Variants in SP110 observed in about 807,000 individuals in gnomAD.
SP110 encodes the protein SP110 nuclear body protein, also known as interferon-induced protein 41, 30kD.
Under a neutral mutation model 92.7 loss-of-function variants are expected in SP110, and 62 were observed. That is an observed-to-expected ratio of 0.67 (90% CI 0.55 to 0.83). The LOEUF is 0.83. Ranked by LOEUF, SP110 falls within the 40% of genes least tolerant of loss-of-function variation. The probability of loss-of-function intolerance (pLI) is 0.00; values close to 1 mark genes in which losing one functional copy is unlikely to be tolerated. For synonymous variants in SP110, 273 were observed against 305.3 expected (o/e 0.89, Z 1.10); for missense variants, 793 against 863.9 (o/e 0.92, Z 1.03).
At chr2:230,175,834 T>G (rs1294570776) in intron 14 of SP110, among the ~76,000 whole-genome samples, 1 of 152,216 alleles carries the variant, frequency 6.6e-6, no homozygotes, top group African/African-American at 2.4e-5. Flanking sequence ...ATAAGAAGCA[T>G]GGAGGATTCA....
chr2:230,201,106 G>A, intron 9 of SP110, 141 bp from the exon 10 acceptor site: 1 of 736,300 alleles, frequency 1.4e-6, no homozygotes, highest in Non-Finnish European at 2.4e-6. Flanking sequence ...CATCTACCAA[G>A]AGATTTGGTG....
chr2:230,221,077 T>C (rs2045775850), upstream of SP110, among the ~76,000 whole-genome samples: 1 of 151,784 alleles, frequency 6.6e-6, no homozygotes, highest in African/African-American at 2.4e-5. Flanking sequence ...GGTCAGGAGT[T>C]TGAGACCATC....
chr2:230,194,435 AC>A (rs2042772371), intron 10 of SP110, among the ~76,000 whole-genome samples: 1 of 152,010 alleles, frequency 6.6e-6, no homozygotes, highest in East Asian at 1.9e-4. Context: ...CCTGGTCTAT[AC>A]AAAAAATTTA....
At chr2:230,219,768 A>G (rs558946624) in intron 1 of SP110, 106 bp downstream of exon 1, 2 of 229,772 alleles carry the variant, frequency 8.7e-6, no homozygotes, top group African/African-American at 2.3e-5. Flanking sequence ...AGAGAGCCTC[A>G]GAGTTTAAAT....
At position 230,177,661 on chromosome 2, in the gene SP110, A is replaced by G; in HGVS notation, c.1467T>C (p.Ile489=). The G allele has an allele frequency of 6.2e-7, 1 of 1,614,118 alleles. No individual in the cohort carries two copies. Among genetic ancestry groups the G allele is most frequent in the Non-Finnish European group, 8.5e-7 (1 of 1,180,010 alleles). ...KMKHGSSVKC[I]RNEDGTWLTP... ...TTAACCAAGTTCCATCCTCATTCCG[A>G]ATGCACTTCACTGAGGATCCTGTAA... Residue 489 remains isoleucine (I), a synonymous_variant, in exon 14 of 19, where the codon ATT becomes ATC. Transcript: ENST00000258381.
intron 10 of SP110, among the ~76,000 whole-genome samples, chr2:230,199,205 C>CTTTT (rs35807015): frequency 6.5e-4 from 58 of 89,442 alleles, no homozygotes; most frequent in East Asian, 1.1e-3. Context: ...ACATAATCCT[C>CTTTT]TTTTTTTTTT....
chr2:230,177,676 G>C lies in SP110; in HGVS notation c.1452C>G (p.Ser484=), dbSNP rs763583801. 6 of 1,614,090 alleles carry C rather than the reference G, an allele frequency of 3.7e-6. No individual in the cohort carries two copies. Among genetic ancestry groups the C allele is most frequent in the Non-Finnish European group, 2.5e-6 (3 of 1,179,998 alleles). The change falls in exon 14 of 19, where the codon TCC becomes TCG. Residue 484 remains serine (S), a synonymous_variant. Coordinates refer to ENST00000258381, the MANE Select transcript of SP110 (RefSeq NM_080424.4). The stretch of plus-strand genomic sequence containing the variant: ...CCTCATTCCGAATGCACTTCACTGA[G>C]GATCCTGTAAGAAAAAGCCCATTCT... ...ILYKKKMKHG[S]SVKCIRNEDG... is the part of the protein sequence containing the mutation.
chr2:230,167,058 C>T lies in SP110; in HGVS notation c.*2066G>A, dbSNP rs1164179574. 6.6e-6 allele frequency: 1 copy of T among 151,966 alleles called. No individual in the cohort carries two copies. Among genetic ancestry groups the T allele is most frequent in the African/African-American group, 2.4e-5 (1 of 41,360 alleles). 9.4% of individuals were successfully genotyped at this position (151,966 alleles called of 1,614,324 possible). A position where few individuals can be genotyped will look rare whatever the true frequency, so the allele number is the denominator to read the frequency against. On this transcript the variant is annotated 3_prime_UTR_variant, in exon 19 of 19. Transcript: ENST00000258381. The stretch of plus-strand genomic sequence containing the variant: ...AAGAGGAGGTGCACCCAAGGAGCTG[C>T]ACCCAATAAACCATACCTGAGGAGC...
chr2:230,174,414 G>T (rs1440688910), intron 14 of SP110, among the ~76,000 whole-genome samples: 1 of 152,156 alleles, frequency 6.6e-6, no homozygotes, highest in African/African-American at 2.4e-5. Context: ...AAAGGTTCTA[G>T]AATCTGTCAA....
intron 8 of SP110, among the ~76,000 whole-genome samples, chr2:230,205,776 G>A (rs528321768): frequency 2.0e-5 from 3 of 152,308 alleles, no homozygotes; most frequent in South Asian, 2.1e-4. Flanking sequence ...AAACAAAGAC[G>A]CCCAGTGTGC....
intron 10 of SP110, among the ~76,000 whole-genome samples, chr2:230,198,286 A>G (rs979348874): frequency 1.3e-5 from 2 of 152,122 alleles, no homozygotes; most frequent in African/African-American, 2.4e-5. Context: ...AGTGACACCC[A>G]TCTCTCTGGC....
rs2078357621 is a variant in SP110, at chr2:230,168,931, TAGTGTAGATATAGAC to T, written c.*178_*192del. The T allele has an allele frequency of 3.0e-5, 16 of 536,938 alleles. No homozygotes were observed. The highest frequency in any genetic ancestry group is 1.7e-4 in the South Asian group (8 of 46,598). 33.3% of individuals were successfully genotyped at this position (536,938 alleles called of 1,614,324 possible). A position where few individuals can be genotyped will look rare whatever the true frequency, so the allele number is the denominator to read the frequency against. On this transcript the variant is annotated 3_prime_UTR_variant, in exon 19 of 19. Coordinates refer to ENST00000258381, the MANE Select transcript of SP110 (RefSeq NM_080424.4). ...AGGAAGTATTAATTTTTTTTTTTTTTAGTGTAGATATAGACTTTTAAAGGTAAAAAGAAAGAATAA... is the reference window on the plus strand; with the variant it reads ...AGGAAGTATTAATTTTTTTTTTTTTTTTTTAAAGGTAAAAAGAAAGAATAA...
rs2044954729 is a variant in SP110 at position 230,215,071 on chromosome 2, C to T, written c.195G>A (p.Val65=). The T allele has an allele frequency of 6.2e-7, 1 of 1,613,708 alleles. No homozygotes were observed. The highest frequency in any genetic ancestry group is 1.3e-5 in the African/African-American group (1 of 74,926). The stretch of plus-strand genomic sequence containing the variant: ...TCTCCAGTTGGGTGAGAATGTTGTG[C>T]ACCACTCTGGATACAGGGATCAAAT... ...CRNLIPVSRV[V]HNILTQLERT... The change falls in exon 3 of 19, where the codon GTG becomes GTA. Residue 65 remains valine (V), a synonymous_variant. Transcript: ENST00000258381.
At chr2:230,182,660 A>G (rs2042179435) in intron 12 of SP110, among the ~76,000 whole-genome samples, 1 of 152,024 alleles carries the variant, frequency 6.6e-6, no homozygotes, top group African/African-American at 2.4e-5. Context: ...AGACACGGGT[A>G]GGGGTGGTTT....
intron 12 of SP110, among the ~76,000 whole-genome samples, chr2:230,181,643 ACATGAACAGACACTTCT>A (rs926194813): frequency 6.6e-6 from 1 of 152,242 alleles, no homozygotes; most frequent in African/African-American, 2.4e-5. Context: ...TGGGCAAAGG[ACATGAACAGACACTTCT>A]CAAAAGAAGA....
intron 17 of SP110, among the ~76,000 whole-genome samples, chr2:230,171,236 G>A (rs965170435): frequency 1.3e-5 from 2 of 152,190 alleles, no homozygotes; most frequent in African/African-American, 4.8e-5. Flanking sequence ...GGGATTAGAG[G>A]TGCCTGCCAC....
chr2:230,220,751 C>A (rs1198296029), upstream of SP110, among the ~76,000 whole-genome samples: 1 of 152,142 alleles, frequency 6.6e-6, no homozygotes, highest in Admixed American at 6.5e-5. Flanking sequence ...TGCCTATAAT[C>A]CCAGGACTTT....
intron 8 of SP110, among the ~76,000 whole-genome samples, chr2:230,205,626 G>A (rs2043694445): frequency 6.6e-6 from 1 of 152,044 alleles, no homozygotes; most frequent in African/African-American, 2.4e-5. Flanking sequence ...TCAGCTTTCA[G>A]AATGGGTATA....
upstream of SP110, among the ~76,000 whole-genome samples, chr2:230,222,145 G>A (rs1021803938): frequency 6.6e-6 from 1 of 151,600 alleles, no homozygotes; most frequent in Non-Finnish European, 1.5e-5. Flanking sequence ...CATGAGAATC[G>A]CTTGAACTCA....
Sources: allele counts gnomAD v4.1 joint callset (sites outside exome capture counted in the v4.1 genomes callset), GRCh38; gene constraint gnomAD v4.1.1; transcripts MANE v1.5; gene names NCBI Gene and HGNC (gene_info 2026-07-23, HGNC 2026-07-21).